SLC24A2: variants seen among roughly 807,000 people sequenced by gnomAD.
SLC24A2 encodes sodium/potassium/calcium exchanger 2.
In SLC24A2, 36 loss-of-function variants were observed where a neutral mutation model predicts 62.0. The ratio of observed to expected loss-of-function variants is 0.58; its 90% CI spans 0.44 to 0.77. The LOEUF is 0.77. Ranked by LOEUF, SLC24A2 falls within the 30% of genes least tolerant of loss-of-function variation. The pLI is 0.00. For synonymous variants in SLC24A2, 358 were observed against 294.0 expected, an observed-to-expected ratio of 1.22 and a Z score of -2.23; for missense variants, 846 against 817.9, an observed-to-expected ratio of 1.03 and a Z score of -0.42.
At chr9:20,219,359 G>C in the SLC24A2 span, among the ~76,000 whole-genome samples, 6 of 152,178 alleles carry the variant, frequency 3.9e-5, no homozygotes, top group East Asian at 1.2e-3. Flanking sequence ...GCCAGTGCTG[G>C]AGTTGGACAC....
At chr9:20,014,965 T>C in the SLC24A2 span, among the ~76,000 whole-genome samples, 7 of 152,224 alleles carry the variant, frequency 4.6e-5, no homozygotes, top group Non-Finnish European at 7.3e-5. Flanking sequence ...ATTGTATACG[T>C]TTACCAAAAA....
At chr9:19,888,088 G>A in the SLC24A2 span, among the ~76,000 whole-genome samples, 32 of 152,232 alleles carry the variant, frequency 2.1e-4, no homozygotes, top group Middle Eastern at 3.4e-3. Flanking sequence ...ACTTATTCAC[G>A]TAACCAAATA....
intron 5 of SLC24A2, among the ~76,000 whole-genome samples, chr9:19,592,854 A>T (rs755640883): frequency 7.9e-5 from 12 of 152,248 alleles, no homozygotes; most frequent in Middle Eastern, 3.2e-3. Context: ...AAAAATATGC[A>T]GTATCACTGT....
chr9:19,533,467 C>T lies in SLC24A2; in HGVS notation c.1480-5329G>A, dbSNP rs570256933. On this transcript the variant is annotated intron_variant, in intron 8 of 10. Coordinates refer to ENST00000341998, the MANE Select transcript of SLC24A2 (RefSeq NM_020344.4). Reference sequence around the variant, plus strand: ...GGCTGGCCTTATGACTTGCTTTGACCAAAAGAATGTATTGGAAGTGACAGC... The same window carrying T: ...GGCTGGCCTTATGACTTGCTTTGACTAAAAGAATGTATTGGAAGTGACAGC... 9.1e-4 allele frequency among the ~76,000 whole-genome samples: 138 copies of T among 152,272 alleles called. 1 individual carries two copies. The highest frequency in any genetic ancestry group is 3.1e-3 in the African/African-American group (127 of 41,550).
At chr9:20,191,331 G>A in the SLC24A2 span, among the ~76,000 whole-genome samples, 7 of 151,960 alleles carry the variant, frequency 4.6e-5, no homozygotes, top group African/African-American at 1.7e-4. Context: ...AAAGGGTTTT[G>A]CACAATCACA....
intron 2 of SLC24A2, among the ~76,000 whole-genome samples, chr9:19,663,997 T>C (rs2118261174): frequency 6.6e-6 from 1 of 152,366 alleles, no homozygotes; most frequent in Admixed American, 6.5e-5. Context: ...TAGCTGCACC[T>C]GCCATCCTGA....
chr9:19,907,611 T>C, the SLC24A2 span, among the ~76,000 whole-genome samples: 2 of 152,230 alleles, frequency 1.3e-5, no homozygotes, highest in African/African-American at 2.4e-5. Context: ...CTTAAGCTGA[T>C]AGGCAACTTC....
the SLC24A2 span, among the ~76,000 whole-genome samples, chr9:20,081,360 C>T: frequency 5.3e-5 from 8 of 151,586 alleles, no homozygotes; most frequent in African/African-American, 1.7e-4. Context: ...CCATCATTCT[C>T]AGCAAACTAT....
chr9:19,625,273 T>C (rs1290450564), intron 2 of SLC24A2, among the ~76,000 whole-genome samples: 4 of 152,214 alleles, frequency 2.6e-5, no homozygotes. Flanking sequence ...CAGCATGCTA[T>C]GGATTGGCTT....
chr9:20,220,812 T>C, the SLC24A2 span, among the ~76,000 whole-genome samples: 1 of 152,154 alleles, frequency 6.6e-6, no homozygotes, highest in East Asian at 1.9e-4. Flanking sequence ...TTTCTCATCA[T>C]TTTTCAGAGT....
At chr9:19,728,470 G>A (rs1428739401) in intron 2 of SLC24A2, among the ~76,000 whole-genome samples, 1 of 151,932 alleles carries the variant, frequency 6.6e-6, no homozygotes, top group African/African-American at 2.4e-5. Context: ...GGTCGGTAAT[G>A]CAGTTTCAGC....
At chr9:19,520,539 G>A (rs1209083482) in intron 10 of SLC24A2, among the ~76,000 whole-genome samples, 2 of 152,090 alleles carry the variant, frequency 1.3e-5, no homozygotes, top group Non-Finnish European at 2.9e-5. Context: ...TAGGCTGGTG[G>A]GGACTTTAAT....
chr9:19,746,806 T>C (rs928041043), intron 2 of SLC24A2, among the ~76,000 whole-genome samples: 1 of 152,182 alleles, frequency 6.6e-6, no homozygotes, highest in African/African-American at 2.4e-5. Flanking sequence ...CTTGTTGATT[T>C]ATGAGACAGC....
At chr9:19,665,896 C>T (rs1275948558) in intron 2 of SLC24A2, among the ~76,000 whole-genome samples, 1 of 152,090 alleles carries the variant, frequency 6.6e-6, no homozygotes, top group African/African-American at 2.4e-5. Flanking sequence ...TTGGCTGAAG[C>T]ACCTCACCCA....
At chr9:20,156,876 AC>A in the SLC24A2 span, among the ~76,000 whole-genome samples, 183 of 151,832 alleles carry the variant, frequency 1.2e-3, 2 homozygotes, top group South Asian at 0.021. Flanking sequence ...AGTCAATAAT[AC>A]AAAGATCCAA....
chr9:19,571,510 A>G (rs1000103662), intron 7 of SLC24A2, among the ~76,000 whole-genome samples: 1 of 151,858 alleles, frequency 6.6e-6, no homozygotes, highest in African/African-American at 2.4e-5. Context: ...CTGTCTAGAG[A>G]GTGCTTTCAA....
chr9:19,771,088 A>G (rs1822672174), intron 2 of SLC24A2, among the ~76,000 whole-genome samples: 1 of 152,250 alleles, frequency 6.6e-6, no homozygotes, highest in African/African-American at 2.4e-5. Flanking sequence ...AGAAGGAAGC[A>G]TCATTCGGTA....
chr9:19,914,047 C>T, the SLC24A2 span, among the ~76,000 whole-genome samples: 3 of 152,148 alleles, frequency 2.0e-5, no homozygotes, highest in African/African-American at 7.2e-5. Context: ...TTTTCAAAAC[C>T]AGAAACCTCA....
chr9:19,581,622 C>G (rs2132863792), intron 5 of SLC24A2, among the ~76,000 whole-genome samples: 1 of 152,274 alleles, frequency 6.6e-6, no homozygotes, highest in Non-Finnish European at 1.5e-5. Context: ...AAGTAGATGA[C>G]AGGAAATTCT....
Sources: gnomAD v4.1 joint callset for allele counts (sites outside exome capture counted in the v4.1 genomes callset) on GRCh38, gnomAD v4.1.1 for gene constraint, MANE v1.5 for transcripts, NCBI Gene and HGNC (gene_info 2026-07-23, HGNC 2026-07-21) for gene names.